Variants in XIRP2 observed in about 807,000 individuals in gnomAD.
The protein encoded by XIRP2 is xin actin-binding repeat-containing protein 2.
Under a neutral mutation model 277.0 loss-of-function variants are expected in XIRP2, and 236 were observed. The observed-to-expected ratio is 0.85, with a 90% CI of 0.77 to 0.95. The LOEUF is 0.95. Ranked by LOEUF, XIRP2 falls within the 40% of genes least tolerant of loss-of-function variation. The pLI, the probability that XIRP2 is intolerant of heterozygous loss-of-function variation, is 0.00. For missense variants in XIRP2, 4,640 were observed against 4,157.5 expected (o/e 1.12, Z -3.19); for synonymous variants, 1,490 against 1,416.5 (o/e 1.05, Z -1.17).
chr2:167,162,728 A>C (rs1257130729), intron 3 of XIRP2, among the ~76,000 whole-genome samples: 2 of 152,200 alleles, frequency 1.3e-5, no homozygotes, highest in Non-Finnish European at 2.9e-5. Flanking sequence ...ACACAGAATA[A>C]AATACACAGC....
At chr2:167,008,084 G>A (rs973645741) in intron 2 of XIRP2, among the ~76,000 whole-genome samples, 1 of 151,544 alleles carries the variant, frequency 6.6e-6, no homozygotes. Flanking sequence ...CATGAAGCCA[G>A]GAGCCATCCT....
At chr2:166,962,004 G>T (rs149897594) in intron 2 of XIRP2, among the ~76,000 whole-genome samples, 2 of 151,526 alleles carry the variant, frequency 1.3e-5, no homozygotes, top group African/African-American at 4.8e-5. Flanking sequence ...AATGAAGATC[G>T]GAAGGTGAAA....
At chr2:167,114,401 G>A (rs1294222154) in intron 2 of XIRP2, among the ~76,000 whole-genome samples, 1 of 151,838 alleles carries the variant, frequency 6.6e-6, no homozygotes, top group East Asian at 1.9e-4. Context: ...TCCTCAGATT[G>A]GTCTATTCTG....
At chr2:167,166,734 A>G (rs757634005) in intron 3 of XIRP2, among the ~76,000 whole-genome samples, 1 of 152,146 alleles carries the variant, frequency 6.6e-6, no homozygotes. Context: ...CACCAAGGGC[A>G]TGTCACTAAG....
chr2:167,177,268 T>C (rs1447828155), intron 3 of XIRP2, among the ~76,000 whole-genome samples: 1 of 152,192 alleles, frequency 6.6e-6, no homozygotes, highest in African/African-American at 2.4e-5. Context: ...TCTTTTTCAT[T>C]TCAGTTCATT....
At chr2:166,941,066 G>C (rs1334220598) in intron 2 of XIRP2, among the ~76,000 whole-genome samples, 2 of 152,188 alleles carry the variant, frequency 1.3e-5, no homozygotes, top group African/African-American at 4.8e-5. Flanking sequence ...AGGCAGGCAG[G>C]CCTCCTTGAG....
At position 167,242,964 on chromosome 2, in the gene XIRP2, T is replaced by C. The variant is rs768463633; in HGVS notation, c.1572T>C (p.Ile524=). The change falls in exon 9 of 11, where the codon ATT becomes ATC. Residue 524 remains isoleucine, a synonymous_variant. Transcript: ENST00000409195. ...ATTATATCAGTGAAGTTTCTGAGATTGTTTCTAGTCAAATGAACTCAGGGA... is the reference window on the plus strand; with the variant it reads ...ATTATATCAGTGAAGTTTCTGAGATCGTTTCTAGTCAAATGAACTCAGGGA... The part of the protein sequence containing the change: ...EKDYISEVSE[I]VSSQMNSGSS... 1.9e-6 allele frequency: 3 copies of C among 1,613,752 alleles called. No homozygotes were observed. Among genetic ancestry groups the C allele is most frequent in the Non-Finnish European group, 2.5e-6 (3 of 1,179,942 alleles).
At position 167,251,545 on chromosome 2, in the gene XIRP2, A is replaced by G. The variant is rs1374751249; in HGVS notation, c.10153A>G (p.Ser3385Gly). 1 of 1,613,454 alleles carries G rather than the reference A, an allele frequency of 6.2e-7. No individual in the cohort carries two copies. The highest frequency in any genetic ancestry group is 1.3e-5 in the African/African-American group (1 of 74,868). Residue 3385 changes from serine to glycine, a missense_variant, in exon 9 of 11, where the codon AGT (serine) becomes GGT (glycine). Transcript: ENST00000409195. ...EFGLTSLGNT[S>G]FTDFSCKHPR... ...TGGATTAACATCTTTAGGAAACACGAGTTTTACAGACTTTTCTTGCAAACA... is the reference window on the plus strand; with the variant it reads ...TGGATTAACATCTTTAGGAAACACGGGTTTTACAGACTTTTCTTGCAAACA...
At chr2:166,902,032 A>T (rs998370713) in intron 1 of XIRP2, among the ~76,000 whole-genome samples, 3 of 152,110 alleles carry the variant, frequency 2.0e-5, no homozygotes, top group African/African-American at 7.2e-5. Flanking sequence ...TTTTATACGC[A>T]TCATCAAATT....
intron 2 of XIRP2, among the ~76,000 whole-genome samples, chr2:166,915,736 A>T (rs897973354): frequency 6.6e-6 from 1 of 152,208 alleles, no homozygotes; most frequent in African/African-American, 2.4e-5. Flanking sequence ...TCATTACAGT[A>T]GATTACTTAA....
intron 3 of XIRP2, among the ~76,000 whole-genome samples, chr2:167,150,883 CT>C (rs2105331335): frequency 6.6e-6 from 1 of 152,006 alleles, no homozygotes; most frequent in South Asian, 2.1e-4. Flanking sequence ...TGAAACTAGC[CT>C]TTTGTTGGCT....
At chr2:166,900,754 A>G (rs1263058193) in intron 1 of XIRP2, among the ~76,000 whole-genome samples, 1 of 152,080 alleles carries the variant, frequency 6.6e-6, no homozygotes, top group Non-Finnish European at 1.5e-5. Context: ...GCCTTCACTG[A>G]CATCATTGCC....
intron 1 of XIRP2, among the ~76,000 whole-genome samples, chr2:166,892,808 G>GATAT (rs113558500): frequency 0.026 from 3,663 of 143,132 alleles, 56 homozygotes; most frequent in East Asian, 0.047. Flanking sequence ...TTTCATAGAA[G>GATAT]ATATATATAT....
chr2:166,960,254 G>A (rs1686266957), intron 2 of XIRP2, among the ~76,000 whole-genome samples: 1 of 151,286 alleles, frequency 6.6e-6, no homozygotes, highest in South Asian at 2.1e-4. Context: ...AAAAAAATAA[G>A]TGGAAAAGAA....
At chr2:167,059,824 G>A (rs1403073951) in intron 2 of XIRP2, among the ~76,000 whole-genome samples, 1 of 152,124 alleles carries the variant, frequency 6.6e-6, no homozygotes, top group African/African-American at 2.4e-5. Context: ...GCCTTGCCTT[G>A]GTCAATGCGA....
At chr2:167,211,099 TTTTA>T (rs771325174) in intron 4 of XIRP2, among the ~76,000 whole-genome samples, 1 of 152,138 alleles carries the variant, frequency 6.6e-6, no homozygotes, top group Non-Finnish European at 1.5e-5. Context: ...GAACTACTAT[TTTTA>T]TTTATTTTTT....
At chr2:167,111,679 C>T (rs1690759741) in intron 2 of XIRP2, among the ~76,000 whole-genome samples, 3 of 151,958 alleles carry the variant, frequency 2.0e-5, no homozygotes, top group African/African-American at 7.3e-5. Context: ...TGATGCTGCT[C>T]GTCTCATAGA....
At chr2:167,252,798 A>G (rs1695553379) in intron 9 of XIRP2, among the ~76,000 whole-genome samples, 1 of 151,974 alleles carries the variant, frequency 6.6e-6, no homozygotes, top group African/African-American at 2.4e-5. Context: ...ATTGAAAGAA[A>G]TAGCAAGCTT....
chr2:166,904,702 A>G (rs911193235), intron 2 of XIRP2, among the ~76,000 whole-genome samples: 3 of 152,146 alleles, frequency 2.0e-5, no homozygotes, highest in African/African-American at 7.2e-5. Flanking sequence ...TAGAAATTAT[A>G]GTTGAATTTT....
Sources: gnomAD v4.1 joint callset for allele counts (sites outside exome capture counted in the v4.1 genomes callset) on GRCh38, gnomAD v4.1.1 for gene constraint, MANE v1.5 for transcripts, NCBI Gene and HGNC (gene_info 2026-07-23, HGNC 2026-07-21) for gene names.